The following RPH3A variants were observed in gnomAD, a reference collection of about 807,000 sequenced individuals.
RPH3A encodes the protein rabphilin 3A.
In RPH3A, 48 loss-of-function variants were observed where a neutral mutation model predicts 102.2. The ratio of observed to expected loss-of-function variants is 0.47; its 90% confidence interval spans 0.37 to 0.60. The LOEUF (loss-of-function observed/expected upper bound fraction) is 0.60, where lower values mean the gene tolerates loss of function less well. RPH3A is among the 20% of genes least tolerant of loss of function. The pLI is 0.00. For missense variants in RPH3A, 781 were observed against 910.1 expected, an observed-to-expected ratio of 0.86 and a Z score of 1.83; for synonymous variants, 310 against 324.3, an observed-to-expected ratio of 0.96 and a Z score of 0.47.
At chr12:112,822,467 C>T (rs7954194) in intron 2 of RPH3A, among the ~76,000 whole-genome samples, 26,503 of 152,108 alleles carry the variant, frequency 0.17, 3,034 homozygotes, top group African/African-American at 0.32. Context: ...GCAGAAAACC[C>T]TGGAGATTTT....
rs142249818 is a variant in RPH3A at position 112,857,278 on chromosome 12, C to T, written c.231-8136C>T. Among the ~76,000 whole-genome samples, 104 of 152,226 alleles carry T rather than the reference C, an allele frequency of 6.8e-4. No homozygotes were observed. In the East Asian group the frequency reaches 0.015, roughly 23 times the overall value. On this transcript the variant is annotated intron_variant, in intron 5 of 21. Coordinates refer to ENST00000389385, the MANE Select transcript of RPH3A (RefSeq NM_001143854.2). ...GTGACTGATGGGGCAAAAATGTGGG[C>T]GTGGCAGGCAAAACAATGGCCTCCC...
chr12:112,693,240 A>G (rs2040320984), intron 1 of RPH3A, among the ~76,000 whole-genome samples: 1 of 152,118 alleles, frequency 6.6e-6, no homozygotes, highest in Non-Finnish European at 1.5e-5. Context: ...GACCCATTGG[A>G]TGGTATTTAC....
At chr12:112,807,560 T>C (rs921062678) in intron 2 of RPH3A, among the ~76,000 whole-genome samples, 2 of 152,194 alleles carry the variant, frequency 1.3e-5, no homozygotes, top group East Asian at 3.8e-4. Context: ...AGTTTCTTCA[T>C]GTGGGAAATG....
intron 1 of RPH3A, among the ~76,000 whole-genome samples, chr12:112,725,805 G>GTTT (rs2040584832): frequency 7.2e-6 from 1 of 139,380 alleles, no homozygotes; most frequent in Non-Finnish European, 1.6e-5. Flanking sequence ...TGTTGTTGTT[G>GTTT]TTGTTTTTGA....
At chr12:112,783,690 T>C (rs2041024669) in intron 1 of RPH3A, among the ~76,000 whole-genome samples, 1 of 152,230 alleles carries the variant, frequency 6.6e-6, no homozygotes, top group Non-Finnish European at 1.5e-5. Context: ...ATTATTAGTA[T>C]CCTCATTTTA....
chr12:112,894,589 C>T lies in RPH3A; in HGVS notation c.1787C>T (p.Pro596Leu), dbSNP rs754129770. Residue 596 changes from proline to leucine, a missense_variant, in exon 20 of 22, where the codon CCG becomes CTG. By Grantham distance (98) the Pro-to-Leu change is moderately conservative (BLOSUM62 -3). Transcript: ENST00000389385. ...SDPFVKLWLK[P>L]DMGKKAKHKT... ...GTGTCGCCTCCCAGCTGGCTGAAAC[C>T]GGACATGGGAAAGAAGGCCAAACAC... 4 of 1,613,704 alleles carry T rather than the reference C, an allele frequency of 2.5e-6. No homozygotes were observed. Among genetic ancestry groups the T allele is most frequent in the East Asian group, 2.2e-5 (1 of 44,878 alleles).
At chr12:112,724,835 GAC>G (rs2040575644) in intron 1 of RPH3A, among the ~76,000 whole-genome samples, 1 of 152,154 alleles carries the variant, frequency 6.6e-6, no homozygotes, top group Admixed American at 6.5e-5. Context: ...CAGGCGTGGT[GAC>G]ACACGCCTGT....
intron 2 of RPH3A, among the ~76,000 whole-genome samples, chr12:112,820,197 G>A (rs1037010900): frequency 2.6e-5 from 4 of 152,202 alleles, no homozygotes; most frequent in African/African-American, 9.7e-5. Flanking sequence ...GAAGCATTTA[G>A]TGCTTTTCCA....
At chr12:112,765,011 A>G (rs987837924) in intron 1 of RPH3A, among the ~76,000 whole-genome samples, 1 of 152,184 alleles carries the variant, frequency 6.6e-6, no homozygotes, top group South Asian at 2.1e-4. Context: ...TAATTGTCTG[A>G]GCCATAAAGG....
At position 112,870,039 on chromosome 12, in the gene RPH3A, G is replaced by A. The variant is rs747582874; in HGVS notation, c.796G>A (p.Gly266Ser). Reference sequence around the variant, plus strand: ...TGGAGACTCCAGCCGGAGCCCAGCAGGTGAGCAAGATGGGCAAATCCAGAG... The same window carrying A: ...TGGAGACTCCAGCCGGAGCCCAGCAAGTGAGCAAGATGGGCAAATCCAGAG... ...GAGDSSRSPA[G>S]LRRANSVQAS... Residue 266 changes from glycine to serine, a missense_variant and splice_region_variant, in exon 10 of 22, where the codon GGT (glycine) becomes AGT (serine). Around this residue, in one of 2 missense-constraint regions of RPH3A, gnomAD observed 730 missense variants for 810.0 expected, o/e 0.90. Transcript: ENST00000389385. 2 of 1,610,280 alleles carry A rather than the reference G, an allele frequency of 1.2e-6. No homozygotes were observed. The highest frequency in any genetic ancestry group is 2.2e-5 in the East Asian group (1 of 44,846).
intron 14 of RPH3A, among the ~76,000 whole-genome samples, chr12:112,880,419 C>A (rs1244214496): frequency 6.6e-6 from 1 of 152,116 alleles, no homozygotes; most frequent in Non-Finnish European, 1.5e-5. Context: ...ATAGAAACTT[C>A]TGAGGTAGGG....
At chr12:112,737,623 A>G (rs1232135354) in intron 1 of RPH3A, among the ~76,000 whole-genome samples, 1 of 152,148 alleles carries the variant, frequency 6.6e-6, no homozygotes, top group Non-Finnish European at 1.5e-5. Flanking sequence ...CCTCTGAGCC[A>G]TAGACTCCTC....
In RPH3A at chr12:112,853,278, G is replaced by A. The variant is rs58649188; in HGVS notation, c.230+5436G>A. ...CTTTCTAAAGGAGGACTCTTCTCCC[G>A]CATTTAAACCTAAAGTCTTCAACAT... On this transcript the variant is annotated intron_variant, in intron 5 of 21. Coordinates refer to ENST00000389385, the MANE Select transcript of RPH3A (RefSeq NM_001143854.2). 4.7e-3 allele frequency among the ~76,000 whole-genome samples: 721 copies of A among 152,246 alleles called. 5 individuals are homozygous for A. The highest frequency in any genetic ancestry group is 0.017 in the African/African-American group (710 of 41,538).
intron 3 of RPH3A, among the ~76,000 whole-genome samples, chr12:112,834,570 G>A (rs554674219): frequency 6.6e-6 from 1 of 152,286 alleles, no homozygotes; most frequent in African/African-American, 2.4e-5. Flanking sequence ...AGAAGTAGAT[G>A]AGAGTTCCAG....
At chr12:112,698,901 TCCTCCTCCC>T (rs1299921544) in intron 1 of RPH3A, among the ~76,000 whole-genome samples, 1 of 130,658 alleles carries the variant, frequency 7.7e-6, no homozygotes, top group African/African-American at 2.8e-5. Flanking sequence ...CCTTTCCCCT[TCCTCCTCCC>T]CCTCCTCCCC....
intron 1 of RPH3A, among the ~76,000 whole-genome samples, chr12:112,716,406 G>A (rs1425618195): frequency 6.6e-6 from 1 of 152,238 alleles, no homozygotes; most frequent in Non-Finnish European, 1.5e-5. Context: ...ATTTGTATGA[G>A]TTAGAGTCCT....
chr12:112,701,256 C>T (rs1485469938), intron 1 of RPH3A, among the ~76,000 whole-genome samples: 2 of 152,058 alleles, frequency 1.3e-5, no homozygotes, highest in East Asian at 1.9e-4. Context: ...AAAGAGGTCA[C>T]CTTACTCTTT....
At position 112,664,616 on chromosome 12, in the gene RPH3A, C is replaced by G. The variant is rs184073087; in HGVS notation, c.-140+89297C>G. ...GGTTCCAGTGAATTGTCCTTGTCTTCATTATAAGGGAAAGAGAGAGAGGGG... is the reference window on the plus strand; with the variant it reads ...GGTTCCAGTGAATTGTCCTTGTCTTGATTATAAGGGAAAGAGAGAGAGGGG... On this transcript the variant is annotated intron_variant, in intron 1 of 21. Transcript: ENST00000543106. Among the ~76,000 whole-genome samples, 17 of 152,150 alleles carry G rather than the reference C, an allele frequency of 1.1e-4. No individual in the cohort carries two copies. The East Asian group carries it at 3.3e-3, about 29-fold the overall frequency.
chr12:112,856,674 G>A (rs2042416923), intron 5 of RPH3A, among the ~76,000 whole-genome samples: 1 of 152,168 alleles, frequency 6.6e-6, no homozygotes, highest in African/African-American at 2.4e-5. Context: ...TAGAAAGACA[G>A]ACTTCGCAGG....
Sources: gnomAD v4.1 joint callset for allele counts (sites outside exome capture counted in the v4.1 genomes callset) on GRCh38, gnomAD v4.1.1 for gene constraint, gnomAD v4.1.1 regional missense constraint, MANE v1.5 for transcripts, NCBI Gene and HGNC (gene_info 2026-07-23, HGNC 2026-07-21) for gene names.